CAMTA1: variants seen among roughly 807,000 people sequenced by gnomAD.
The protein encoded by CAMTA1 is calmodulin-binding transcription activator 1.
Under a neutral mutation model 170.9 loss-of-function variants are expected in CAMTA1, and 27 were observed. The observed-to-expected ratio is 0.16, with a 90% CI of 0.12 to 0.22. The LOEUF (loss-of-function observed/expected upper bound fraction) is 0.22. Ranked by LOEUF, CAMTA1 falls within the 10% of genes least tolerant of loss-of-function variation. The probability of loss-of-function intolerance (pLI) is 1.00; values close to 1 mark genes in which losing one functional copy is unlikely to be tolerated. For synonymous variants in CAMTA1, 833 were observed against 891.5 expected (o/e 0.93, Z 1.17); for missense variants, 1,619 against 2,217.2 (o/e 0.73, Z 5.42).
intron 3 of CAMTA1, among the ~76,000 whole-genome samples, chr1:6,844,900 A>G (rs1244491989): frequency 2.0e-5 from 3 of 152,168 alleles, no homozygotes; most frequent in African/African-American, 4.8e-5. Context: ...TAACTCGTGG[A>G]TATCAGTCAG....
In CAMTA1 at chr1:7,034,108, G is replaced by A. The variant is rs571443113; in HGVS notation, c.235-57196G>A. On this transcript the variant is annotated intron_variant, in intron 3 of 22. Coordinates refer to ENST00000303635, the MANE Select transcript of CAMTA1 (RefSeq NM_015215.4). Reference sequence around the variant, plus strand: ...TTATGAAGATTTTACTCTTGTTAGCGGAAACAGGCACTATTTCTGGTCCAA... The same window carrying A: ...TTATGAAGATTTTACTCTTGTTAGCAGAAACAGGCACTATTTCTGGTCCAA... Among the ~76,000 whole-genome samples, 65 of 152,106 alleles carry A rather than the reference G, an allele frequency of 4.3e-4. 2 individuals carry two copies. Among genetic ancestry groups the A allele is most frequent in the African/African-American group, 1.5e-3 (62 of 41,488 alleles).
At chr1:7,450,969 A>G (rs1557736553) in intron 5 of CAMTA1, among the ~76,000 whole-genome samples, 1 of 152,104 alleles carries the variant, frequency 6.6e-6, no homozygotes, top group Non-Finnish European at 1.5e-5. Context: ...TTCCCCGGGG[A>G]GGTCGGCGAA....
chr1:7,221,889 G>A (rs1660829892), intron 4 of CAMTA1, among the ~76,000 whole-genome samples: 1 of 142,978 alleles, frequency 7.0e-6, no homozygotes, highest in East Asian at 1.9e-4. Flanking sequence ...CAGAGGGCAT[G>A]TGCACAAGCT....
At chr1:7,149,561 C>G (rs1646445418) in intron 4 of CAMTA1, among the ~76,000 whole-genome samples, 1 of 152,216 alleles carries the variant, frequency 6.6e-6, no homozygotes, top group Admixed American at 6.5e-5. Flanking sequence ...ATCATGCCAC[C>G]TCCTGGGGCT....
At chr1:7,135,441 G>A (rs1380257170) in intron 4 of CAMTA1, among the ~76,000 whole-genome samples, 1 of 152,130 alleles carries the variant, frequency 6.6e-6, no homozygotes, top group Non-Finnish European at 1.5e-5. Flanking sequence ...TGGTGAGGCT[G>A]TGGAGAGAAG....
intron 5 of CAMTA1, among the ~76,000 whole-genome samples, chr1:7,304,416 T>C (rs1414137269): frequency 2.6e-5 from 4 of 152,248 alleles, no homozygotes; most frequent in African/African-American, 9.6e-5. Context: ...TTTACACTTA[T>C]GTGACTATGT....
rs571896995 is a variant in CAMTA1, at chr1:7,255,836, C to T, written c.438+6210C>T. ...CAAACCTCACCCCAACCCTGTGATT[C>T]AGTCCTGGCAGATACGTTTATCCTC... On this transcript the variant is annotated intron_variant, in intron 5 of 22. Coordinates refer to ENST00000303635, the MANE Select transcript of CAMTA1 (RefSeq NM_015215.4). Among the ~76,000 whole-genome samples, 3 of 152,292 alleles carry T rather than the reference C, an allele frequency of 2.0e-5. No individual in the cohort carries two copies. The South Asian group carries it at 6.2e-4, about 32-fold the overall frequency.
intron 5 of CAMTA1, among the ~76,000 whole-genome samples, chr1:7,352,125 AAGG>A (rs778903331): frequency 5.9e-5 from 9 of 151,780 alleles, no homozygotes; most frequent in Admixed American, 3.9e-4. Context: ...GGAGAGAGGG[AAGG>A]AGGAGGAGAA....
chr1:7,501,335 G>A (rs1161365097), intron 6 of CAMTA1, among the ~76,000 whole-genome samples: 1 of 152,202 alleles, frequency 6.6e-6, no homozygotes, highest in East Asian at 1.9e-4. Flanking sequence ...AGGGAGGCCT[G>A]AGAACGGCCT....
At position 6,965,656 on chromosome 1, in the gene CAMTA1, G is replaced by A. The variant is rs1691396333; in HGVS notation, c.235-125648G>A. On this transcript the variant is annotated intron_variant, in intron 3 of 22. Coordinates refer to ENST00000303635, the MANE Select transcript of CAMTA1 (RefSeq NM_015215.4). The surrounding 1 kb of genome is among the most constrained non-coding windows in gnomAD (Gnocchi z 4.1). Reference sequence around the variant, plus strand: ...AGTGAGGAGAAAGTCCTGACAACAAGTAAAGAAAACTTAGCTGGCAATAAA... The same window carrying A: ...AGTGAGGAGAAAGTCCTGACAACAAATAAAGAAAACTTAGCTGGCAATAAA... 6.6e-6 allele frequency among the ~76,000 whole-genome samples: 1 copy of A among 152,164 alleles called. No individual in the cohort carries two copies. The highest frequency in any genetic ancestry group is 1.9e-4 in the East Asian group (1 of 5,192).
Position 7,539,337 on chromosome 1 carries a change from C to T in CAMTA1, c.510+71436C>T, listed in dbSNP as rs760375189. On this transcript the variant is annotated intron_variant, in intron 6 of 22. Coordinates refer to ENST00000303635, the MANE Select transcript of CAMTA1 (RefSeq NM_015215.4). ...TCTCCCCAGTGCTCAGGCTGAAGAG[C>T]AGTGGCCTTTTCTTATGGTGTCTGC... 4.6e-5 allele frequency among the ~76,000 whole-genome samples: 7 copies of T among 152,354 alleles called. 1 individual carries two copies. The South Asian group carries it at 1.2e-3, about 27-fold the overall frequency.
chr1:7,298,668 T>G (rs1472069530), intron 5 of CAMTA1, among the ~76,000 whole-genome samples: 1 of 152,208 alleles, frequency 6.6e-6, no homozygotes, highest in East Asian at 1.9e-4. Flanking sequence ...ATTAGGTATT[T>G]ATCAATACAT....
At chr1:7,730,688 G>T (rs879118472) in intron 11 of CAMTA1, among the ~76,000 whole-genome samples, 1 of 152,118 alleles carries the variant, frequency 6.6e-6, no homozygotes, top group Non-Finnish European at 1.5e-5. Context: ...TTGAGGTCAG[G>T]AGTTCAAGAC....
At chr1:7,042,792 G>C (rs1704674169) in intron 3 of CAMTA1, among the ~76,000 whole-genome samples, 3 of 152,186 alleles carry the variant, frequency 2.0e-5, no homozygotes, top group African/African-American at 7.2e-5. Flanking sequence ...CTTCTCTTCT[G>C]CTCTTCTCAG....
At chr1:6,827,116 A>G (rs569757338) in intron 3 of CAMTA1, among the ~76,000 whole-genome samples, 138 of 152,358 alleles carry the variant, frequency 9.1e-4, no homozygotes, top group Non-Finnish European at 1.7e-3. Context: ...GCCATAATTC[A>G]GATTACAGAG....
At chr1:7,129,996 G>A in intron 4 of CAMTA1, among the ~76,000 whole-genome samples, 1 of 151,808 alleles carries the variant, frequency 6.6e-6, no homozygotes, top group East Asian at 1.9e-4. Flanking sequence ...GAGTGCAATG[G>A]TGCGATCTTG....
At position 6,803,887 on chromosome 1, in the gene CAMTA1, AT is replaced by A. The variant is rs1219782664; in HGVS notation, c.46-16281del. Among the ~76,000 whole-genome samples, 115 of 145,866 alleles carry A rather than the reference AT, an allele frequency of 7.9e-4. 1 individual carries two copies. Among genetic ancestry groups the A allele is most frequent in the Admixed American group, 8.2e-4 (12 of 14,666 alleles). On this transcript the variant is annotated intron_variant, in intron 1 of 22. Transcript: ENST00000303635. ...GTATCACCATGCCTAGCTGATTAAA[AT>A]TTTTTTTTTTTTGGCCAGGCATGGT...
intron 4 of CAMTA1, among the ~76,000 whole-genome samples, chr1:7,116,788 C>T (rs1644357895): frequency 6.6e-6 from 1 of 150,774 alleles, no homozygotes; most frequent in Non-Finnish European, 1.5e-5. Context: ...GCTGGGACTA[C>T]AGGCGCCTGC....
chr1:7,354,480 A>T (rs899961402), intron 5 of CAMTA1, among the ~76,000 whole-genome samples: 1 of 152,182 alleles, frequency 6.6e-6, no homozygotes, highest in Non-Finnish European at 1.5e-5. Context: ...TCCAGTGTTC[A>T]TGGGCACCTA....
Sources: gnomAD v4.1 joint callset for allele counts (sites outside exome capture counted in the v4.1 genomes callset) on GRCh38, gnomAD v4.1.1 for gene constraint, Gnocchi (gnomAD v3.1) non-coding constraint, MANE v1.5 for transcripts, NCBI Gene and HGNC (gene_info 2026-07-23, HGNC 2026-07-21) for gene names.